Variants in MAST4 observed in about 807,000 individuals in gnomAD.
The protein encoded by MAST4 is microtubule-associated serine/threonine-protein kinase 4.
A neutral mutation model predicts 162.7 loss-of-function variants in MAST4; 89 were observed. That is an observed-to-expected ratio of 0.55 (90% CI 0.46 to 0.65). MAST4 has a LOEUF of 0.65. Among genes scored for constraint, MAST4 ranks in the 30% least tolerant of loss-of-function variants. MAST4 has a pLI of 0.00. For synonymous variants in MAST4, 1,479 were observed against 1,361.1 expected, an observed-to-expected ratio of 1.09 and a Z score of -1.91; for missense variants, 3,153 against 3,374.0, an observed-to-expected ratio of 0.93 and a Z score of 1.62.
intron 2 of MAST4, among the ~76,000 whole-genome samples, chr5:66,785,573 G>A (rs1755075460): frequency 6.6e-6 from 1 of 152,072 alleles, no homozygotes; most frequent in Non-Finnish European, 1.5e-5. Context: ...CGATTGTTAG[G>A]ATGTTGCAGT....
chr5:66,761,327 T>A (rs925282162), intron 2 of MAST4, among the ~76,000 whole-genome samples: 9 of 152,192 alleles, frequency 5.9e-5, no homozygotes, highest in Admixed American at 1.3e-4. Flanking sequence ...ATACCCAAAT[T>A]AAGATAAGTT....
Position 67,165,951 on chromosome 5 carries a change from A to G in MAST4, c.6772A>G (p.Asn2258Asp), listed in dbSNP as rs1773884684. The G allele has an allele frequency of 2.5e-6, 4 of 1,613,288 alleles. No individual in the cohort carries two copies. The Admixed American group carries it at 5.0e-5, about 20-fold the overall frequency. Residue 2258 changes from asparagine (N) to aspartate (D), a missense_variant, in exon 29 of 29, where the codon AAC (asparagine) becomes GAC (aspartate). Asn to Asp is a conservative substitution (Grantham distance 23, BLOSUM62 1). Transcript: ENST00000403625. Reference sequence around the variant, plus strand: ...GTTTCCTGCTACCCCAGGCTCCCAGAACAAAGCCAGCGATGGGATTGGCCA... The same window carrying G: ...GTTTCCTGCTACCCCAGGCTCCCAGGACAAAGCCAGCGATGGGATTGGCCA... ...DVFPATPGSQ[N>D]KASDGIGQGE...
chr5:66,926,861 GC>G (rs1764944247), intron 4 of MAST4, among the ~76,000 whole-genome samples: 1 of 152,102 alleles, frequency 6.6e-6, no homozygotes, highest in South Asian at 2.1e-4. Flanking sequence ...ATAAAGACAT[GC>G]TAGAGAATAA....
intron 1 of MAST4, among the ~76,000 whole-genome samples, chr5:66,726,637 C>T (rs1388829728): frequency 6.6e-6 from 1 of 151,960 alleles, no homozygotes; most frequent in Non-Finnish European, 1.5e-5. Context: ...GGTCGCTAAC[C>T]CCTGATCTAA....
intron 4 of MAST4, among the ~76,000 whole-genome samples, chr5:66,998,266 T>C (rs13180020): frequency 0.27 from 40,914 of 152,138 alleles, 5,651 homozygotes; most frequent in African/African-American, 0.3. Flanking sequence ...TAGACCCAAG[T>C]TTCTGGATCA....
chr5:67,038,791 T>G (rs948795339), intron 4 of MAST4, among the ~76,000 whole-genome samples: 18 of 152,184 alleles, frequency 1.2e-4, no homozygotes, highest in Admixed American at 9.2e-4. Flanking sequence ...CATCAAATTT[T>G]TGGTGTACTG....
chr5:66,909,102 A>G (rs1055123294), intron 4 of MAST4, among the ~76,000 whole-genome samples: 3 of 152,182 alleles, frequency 2.0e-5, no homozygotes, highest in African/African-American at 7.2e-5. Context: ...AGGCTGGGGA[A>G]GTCCCCTTAA....
rs528794109 is a variant in MAST4 at position 67,050,181 on chromosome 5, A to G, written c.675-4223A>G. 2.0e-5 allele frequency among the ~76,000 whole-genome samples: 3 copies of G among 152,276 alleles called. No homozygotes were observed. In the South Asian group the frequency reaches 6.2e-4, roughly 32 times the overall value. ...GCCTGTCTCTTCACCTTCTTAGCAAATGGGAGGTGCTGTTGGCAGTAATTA... is the reference window on the plus strand; with the variant it reads ...GCCTGTCTCTTCACCTTCTTAGCAAGTGGGAGGTGCTGTTGGCAGTAATTA... On this transcript the variant is annotated intron_variant, in intron 4 of 28. Transcript: ENST00000403625.
In MAST4 at chr5:67,132,048, A is replaced by G. The variant is rs1047153449; in HGVS notation, c.2093+97A>G. On this transcript the variant is annotated intron_variant, in intron 16 of 28. Transcript: ENST00000403625. Reference sequence around the variant, plus strand: ...TCTTTTAGTCAATGTACATTTTTAAATTATTCCATAATGTCCAAAATGAGT... The same window carrying G: ...TCTTTTAGTCAATGTACATTTTTAAGTTATTCCATAATGTCCAAAATGAGT... 3.0e-6 allele frequency: 4 copies of G among 1,342,486 alleles called. No individual in the cohort carries two copies. The Admixed American group carries it at 6.4e-5, about 22-fold the overall frequency. 83.2% of individuals were successfully genotyped at this position (1,342,486 alleles called of 1,614,324 possible).
At chr5:66,722,557 G>A (rs1053006784) in intron 1 of MAST4, among the ~76,000 whole-genome samples, 14 of 151,886 alleles carry the variant, frequency 9.2e-5, no homozygotes, top group Admixed American at 6.6e-5. Context: ...CAGCAGGGTA[G>A]GGATCTGTGT....
intron 1 of MAST4, among the ~76,000 whole-genome samples, chr5:66,684,357 A>ATACCAGGAGC (rs33962272): frequency 0.76 from 114,809 of 151,572 alleles, 44,572 homozygotes; most frequent in African/African-American, 0.92. Flanking sequence ...TCTTCCAGCT[A>ATACCAGGAGC]TTTTTTTTTC....
intron 13 of MAST4, among the ~76,000 whole-genome samples, chr5:67,119,261 A>G (rs1312383672): frequency 6.6e-6 from 1 of 152,088 alleles, no homozygotes; most frequent in Non-Finnish European, 1.5e-5. Flanking sequence ...AAAAAATCAC[A>G]CTGACTGCAG....
intron 4 of MAST4, among the ~76,000 whole-genome samples, chr5:66,982,132 G>C (rs1026305787): frequency 7.2e-5 from 11 of 152,198 alleles, no homozygotes; most frequent in Non-Finnish European, 1.3e-4. Context: ...AAACTAGGAA[G>C]TGGCAAGGCC....
At chr5:67,140,982 A>G (rs548962163) in intron 19 of MAST4, among the ~76,000 whole-genome samples, 28 of 152,242 alleles carry the variant, frequency 1.8e-4, no homozygotes, top group Middle Eastern at 3.4e-3. Context: ...CAGAACACCA[A>G]TTTGCCCTGG....
chr5:66,708,938 T>C (rs978934320), intron 1 of MAST4, among the ~76,000 whole-genome samples: 1 of 152,156 alleles, frequency 6.6e-6, no homozygotes, highest in East Asian at 1.9e-4. Context: ...ATAAGAATTT[T>C]ATATTGAGAG....
intron 3 of MAST4, among the ~76,000 whole-genome samples, chr5:66,831,010 A>G (rs1757561159): frequency 6.6e-6 from 1 of 152,200 alleles, no homozygotes; most frequent in African/African-American, 2.4e-5. Flanking sequence ...ATTATTCTGT[A>G]AAATGCATAC....
At chr5:67,150,979 G>A (rs1336289297) in intron 24 of MAST4, among the ~76,000 whole-genome samples, 2 of 152,150 alleles carry the variant, frequency 1.3e-5, no homozygotes, top group Admixed American at 6.5e-5. Flanking sequence ...TAGCCACAAT[G>A]GAACTCACCA....
intron 1 of MAST4, among the ~76,000 whole-genome samples, chr5:66,733,773 T>C (rs1752002994): frequency 1.3e-5 from 2 of 152,152 alleles, no homozygotes; most frequent in South Asian, 4.1e-4. Flanking sequence ...TGTGTTTTTT[T>C]TTTAAAGTGA....
intron 4 of MAST4, among the ~76,000 whole-genome samples, chr5:66,976,863 A>AC (rs200919312): frequency 6.7e-6 from 1 of 149,428 alleles, no homozygotes; most frequent in African/African-American, 2.6e-5. Context: ...ATAACTAAGT[A>AC]CCCTTTTTAA....
Sources: allele counts gnomAD v4.1 joint callset (sites outside exome capture counted in the v4.1 genomes callset), GRCh38; gene constraint gnomAD v4.1.1; transcripts MANE v1.5; gene names NCBI Gene and HGNC (gene_info 2026-07-23, HGNC 2026-07-21).